Variants in IMMP2L observed in about 807,000 individuals in gnomAD.
IMMP2L encodes the protein mitochondrial inner membrane protease subunit 2.
A neutral mutation model predicts 19.3 loss-of-function variants in IMMP2L; 18 were observed. The observed-to-expected ratio is 0.93, with a 90% CI of 0.64 to 1.38. The LOEUF (loss-of-function observed/expected upper bound fraction) is 1.38. Among genes scored for constraint, IMMP2L ranks in the 40% most tolerant of loss-of-function variants. The pLI is 0.00. For missense variants in IMMP2L, 233 were observed against 218.2 expected (o/e 1.07, Z -0.43); for synonymous variants, 76 against 73.0 (o/e 1.04, Z -0.21).
At chr7:111,513,717 G>C (rs1845646228) in intron 2 of IMMP2L, among the ~76,000 whole-genome samples, 1 of 152,004 alleles carries the variant, frequency 6.6e-6, no homozygotes, top group Admixed American at 6.6e-5. Context: ...GCTCATAAAT[G>C]GATGAAGGGA....
At chr7:111,068,048 A>C (rs1794656402) in intron 3 of IMMP2L, among the ~76,000 whole-genome samples, 1 of 152,234 alleles carries the variant, frequency 6.6e-6, no homozygotes, top group Admixed American at 6.5e-5. Flanking sequence ...AATATAAAAA[A>C]GAAAAATAAA....
At chr7:111,337,257 C>T (rs754326816) in intron 3 of IMMP2L, among the ~76,000 whole-genome samples, 11 of 151,874 alleles carry the variant, frequency 7.2e-5, no homozygotes, top group Non-Finnish European at 1.6e-4. Context: ...TTTATTTTAA[C>T]TTAGAAACAC....
At position 110,796,946 on chromosome 7, in the gene IMMP2L, T is replaced by C. The variant is rs1475117565; in HGVS notation, c.408+89647A>G. Among the ~76,000 whole-genome samples, 4 of 152,018 alleles carry C rather than the reference T, an allele frequency of 2.6e-5. No homozygotes were observed. In the East Asian group the frequency reaches 7.7e-4, roughly 29 times the overall value. On this transcript the variant is annotated intron_variant, in intron 5 of 5. Transcript: ENST00000405709. The stretch of plus-strand genomic sequence containing the variant: ...TATTGCGACCTCAGCAAGTATTGAG[T>C]TGATTCATTGTAAGCCTCTGGTTTG...
intron 4 of IMMP2L, among the ~76,000 whole-genome samples, chr7:110,947,138 CAAT>C (rs1239862712): frequency 3.9e-5 from 6 of 151,976 alleles, no homozygotes; most frequent in South Asian, 2.1e-4. Flanking sequence ...ACTAAAACAA[CAAT>C]AAGAATTTTT....
At chr7:111,202,966 C>T (rs1249692610) in intron 3 of IMMP2L, among the ~76,000 whole-genome samples, 1 of 152,032 alleles carries the variant, frequency 6.6e-6, no homozygotes, top group African/African-American at 2.4e-5. Flanking sequence ...ATCTCTTGCC[C>T]TAAACTATAA....
intron 4 of IMMP2L, among the ~76,000 whole-genome samples, chr7:110,889,967 G>T (rs1457522060): frequency 5.3e-5 from 8 of 152,156 alleles, no homozygotes; most frequent in Admixed American, 5.2e-4. Context: ...CTGATGTATA[G>T]TCAGAACCCA....
Position 110,924,742 on chromosome 7 carries a change from A to G in IMMP2L, c.306-38047T>C, listed in dbSNP as rs567908324. Among the ~76,000 whole-genome samples the G allele has an allele frequency of 6.6e-6, 1 of 152,260 alleles. No individual in the cohort carries two copies. Among genetic ancestry groups the G allele is most frequent in the South Asian group, 2.1e-4 (1 of 4,832 alleles). On this transcript the variant is annotated intron_variant, in intron 4 of 5. Transcript: ENST00000405709. This position sits in a 1 kb window ranked among gnomAD's most constrained non-coding sequence, Gnocchi z 4.2. ...TCAGTGCTTTGGAAGGTACAGGAAC[A>G]GCATTTCCCACCTTTTATCCCATCT...
At chr7:111,081,813 TTAAA>T in intron 3 of IMMP2L, among the ~76,000 whole-genome samples, 1 of 152,190 alleles carries the variant, frequency 6.6e-6, no homozygotes, top group Non-Finnish European at 1.5e-5. Flanking sequence ...TTGTATACTT[TTAAA>T]ATAACGTCAT....
At chr7:111,031,934 A>ATTTCTTTTTTTTTT (rs770268016) in intron 3 of IMMP2L, among the ~76,000 whole-genome samples, 1 of 108,070 alleles carries the variant, frequency 9.3e-6, no homozygotes, top group Non-Finnish European at 1.8e-5. Flanking sequence ...AACACCAGAG[A>ATTTCTTTTTTTTTT]TTTTTTTTTT....
intron 1 of IMMP2L, among the ~76,000 whole-genome samples, chr7:111,551,225 G>A (rs747428791): frequency 2.0e-5 from 3 of 152,084 alleles, no homozygotes; most frequent in African/African-American, 7.2e-5. Context: ...ATATATAAAA[G>A]TGTGTGTGAC....
chr7:111,374,292 C>G (rs943029644), intron 3 of IMMP2L, among the ~76,000 whole-genome samples: 1 of 152,066 alleles, frequency 6.6e-6, no homozygotes, highest in African/African-American at 2.4e-5. Flanking sequence ...AGCCTTTTAT[C>G]TTTCCTAGTA....
At chr7:110,966,169 AAAT>A (rs1236806482) in intron 3 of IMMP2L, among the ~76,000 whole-genome samples, 3 of 152,066 alleles carry the variant, frequency 2.0e-5, no homozygotes, top group Admixed American at 6.6e-5. Flanking sequence ...GTATGTTAGA[AAAT>A]ATTATTTGTG....
chr7:110,934,949 C>A lies in IMMP2L; in HGVS notation c.305+28551G>T, dbSNP rs184573367. Among the ~76,000 whole-genome samples, 258 of 152,218 alleles carry A rather than the reference C, an allele frequency of 1.7e-3. 12 individuals are homozygous for A. The East Asian group carries it at 0.037, about 22-fold the overall frequency. On this transcript the variant is annotated intron_variant, in intron 4 of 5. Transcript: ENST00000405709. The stretch of plus-strand genomic sequence containing the variant: ...CACTGATAAGTCTTGACTCTTTATC[C>A]AATTTGCCAGTCTGTGTCTTTTAAC...
chr7:111,107,360 G>A (rs146261067), intron 3 of IMMP2L, among the ~76,000 whole-genome samples: 251 of 152,100 alleles, frequency 1.7e-3, no homozygotes, highest in African/African-American at 4.9e-3. Flanking sequence ...TCAACATTCT[G>A]TTGTAAACAG....
At chr7:110,684,646 T>G (rs1792978398) in intron 5 of IMMP2L, among the ~76,000 whole-genome samples, 1 of 151,868 alleles carries the variant, frequency 6.6e-6, no homozygotes, top group South Asian at 2.1e-4. Flanking sequence ...GTCTGAAGAG[T>G]GAGGTGTGTT....
At chr7:110,813,326 A>G (rs1802183155) in intron 5 of IMMP2L, among the ~76,000 whole-genome samples, 1 of 152,078 alleles carries the variant, frequency 6.6e-6, no homozygotes, top group South Asian at 2.1e-4. Context: ...TAACAGAAAA[A>G]AATTACCATT....
At chr7:111,466,208 G>A (rs893217224) in intron 3 of IMMP2L, among the ~76,000 whole-genome samples, 1 of 152,146 alleles carries the variant, frequency 6.6e-6, no homozygotes, top group Non-Finnish European at 1.5e-5. Flanking sequence ...ATAGCATTAG[G>A]AGATACACCT....
intron 5 of IMMP2L, among the ~76,000 whole-genome samples, chr7:110,750,736 T>G (rs1469797481): frequency 1.3e-5 from 2 of 152,028 alleles, no homozygotes; most frequent in Non-Finnish European, 2.9e-5. Context: ...AATACTGTAT[T>G]TTCTGTACAC....
intron 3 of IMMP2L, among the ~76,000 whole-genome samples, chr7:111,429,677 A>T (rs1381302689): frequency 1.3e-5 from 2 of 151,984 alleles, no homozygotes; most frequent in African/African-American, 2.4e-5. Context: ...AACTCAGATA[A>T]AATAGCCTGT....
Sources: allele counts gnomAD v4.1 joint callset (sites outside exome capture counted in the v4.1 genomes callset), GRCh38; gene constraint gnomAD v4.1.1; non-coding constraint Gnocchi (gnomAD v3.1); transcripts MANE v1.5; gene names NCBI Gene and HGNC (gene_info 2026-07-23, HGNC 2026-07-21).